The following DMD variants were observed in gnomAD, a reference collection of about 807,000 sequenced individuals.
DMD encodes dystrophin, also known as mutant dystrophin.
DMD carries 63 observed loss-of-function variants against 330.1 expected under a neutral mutation model. That is an observed-to-expected ratio of 0.19 (90% CI 0.16 to 0.24). DMD has a LOEUF of 0.24. Ranked by LOEUF, DMD falls within the 10% of genes least tolerant of loss-of-function variation. DMD has a pLI of 1.00. For missense variants in DMD, 3,344 were observed against 2,684.1 expected (o/e 1.25, Z -5.43); for synonymous variants, 1,223 against 959.8 (o/e 1.27, Z -5.07).
At position 32,501,838 on chromosome X, in the gene DMD, A is replaced by G. The variant is rs1443021146; in HGVS notation, c.2297T>C (p.Ile766Thr). 2.5e-6 allele frequency: 3 copies of G among 1,196,841 alleles called. No individual in the cohort carries two copies. The highest frequency in any genetic ancestry group is 2.2e-5 in the Admixed American group (1 of 45,470). The change falls in exon 19 of 79, where the codon ATA (isoleucine) becomes ACA (threonine). Residue 766 changes from isoleucine to threonine, a missense_variant. Coordinates refer to ENST00000357033, the MANE Select transcript of DMD (RefSeq NM_004006.3). Reference sequence around the variant, plus strand: ...GAACTTCTCAGCTTTTTCTCGCTCTATGGCCTGCAGCATGAGAGCAAAGAT... The same window carrying G: ...GAACTTCTCAGCTTTTTCTCGCTCTGTGGCCTGCAGCATGAGAGCAAAGAT... Reference protein sequence around the residue: ...FSDLKEKVNAIEREKAEKFRK... With the variant: ...FSDLKEKVNATEREKAEKFRK...
At chrX:33,056,335 G>A (rs1220137876) in intron 1 of DMD, among the ~76,000 whole-genome samples, 1 of 89,327 alleles carries the variant, frequency 1.1e-5, no homozygotes. Flanking sequence ...TGACCCCTGC[G>A]CTCTTTTTTT....
chrX:31,397,881 A>G (rs1329117294), intron 60 of DMD, among the ~76,000 whole-genome samples: 1 of 112,492 alleles, frequency 8.9e-6, no homozygotes, highest in Non-Finnish European at 1.9e-5. Context: ...GATTTGTTTT[A>G]TGAACAAAGA....
chrX:33,297,184 T>C (rs1178260306), intron 1 of DMD, among the ~76,000 whole-genome samples: 3 of 111,803 alleles, frequency 2.7e-5, no homozygotes, highest in Admixed American at 1.9e-4. Flanking sequence ...TGTACATAAT[T>C]ATCTTTTTTT....
At chrX:31,357,903 T>G (rs1248641181) in intron 60 of DMD, among the ~76,000 whole-genome samples, 1 of 112,340 alleles carries the variant, frequency 8.9e-6, no homozygotes, top group Non-Finnish European at 1.9e-5. Context: ...GTCTTCTCTC[T>G]TCTTCGCATA....
At chrX:32,557,311 TAC>T (rs1159230104) in intron 16 of DMD, among the ~76,000 whole-genome samples, 3 of 111,907 alleles carry the variant, frequency 2.7e-5, no homozygotes, top group African/African-American at 6.5e-5. Context: ...TTTGTATGCA[TAC>T]ACACACATAT....
intron 44 of DMD, among the ~76,000 whole-genome samples, chrX:32,012,741 AATCT>A (rs3038565): frequency 0.03 from 3,371 of 111,481 alleles, 53 homozygotes; most frequent in Non-Finnish European, 0.048. Context: ...ACAGAGTGAT[AATCT>A]ATTATCCAAA....
In DMD at chrX:32,697,907, G is replaced by C. The variant is rs145064612; in HGVS notation, c.923C>G (p.Thr308Ser). Residue 308 changes from threonine to serine, a missense_variant, in exon 9 of 79, where the codon ACC becomes AGC. Transcript: ENST00000357033. ...SYAYTQAAYV[T>S]TSDPTRSPFP... is the part of the protein sequence containing the mutation. ...TGGGCTCCGTGTAGGGTCAGAGGTG[G>C]TGACATAAGCAGCCTGTGTGTAGGC... The C allele has an allele frequency of 8.3e-7, 1 of 1,210,153 alleles. No individual in the cohort carries two copies. Among genetic ancestry groups the C allele is most frequent in the Non-Finnish European group, 1.1e-6 (1 of 894,804 alleles).
chrX:32,410,248 C>A (rs1384759831), intron 30 of DMD, among the ~76,000 whole-genome samples: 3 of 111,365 alleles, frequency 2.7e-5, no homozygotes, highest in Non-Finnish European at 5.7e-5. Flanking sequence ...CAGTGGAAAA[C>A]TATGATGAGG....
At chrX:31,308,672 A>G (rs981347615) in intron 62 of DMD, among the ~76,000 whole-genome samples, 1 of 111,134 alleles carries the variant, frequency 9.0e-6, no homozygotes, top group Non-Finnish European at 1.9e-5. Context: ...TCGGCTTCCC[A>G]AAGTGTTGGG....
chrX:32,626,098 T>C (rs1828842723), intron 11 of DMD, among the ~76,000 whole-genome samples: 1 of 112,544 alleles, frequency 8.9e-6, no homozygotes, highest in African/African-American at 3.2e-5. Context: ...TTAATGCATG[T>C]TTTTACTTTT....
At chrX:32,720,028 TTAAG>T (rs1453403449) in intron 7 of DMD, among the ~76,000 whole-genome samples, 2 of 110,637 alleles carry the variant, frequency 1.8e-5, no homozygotes, top group African/African-American at 3.3e-5. Flanking sequence ...ATTAAATATA[TTAAG>T]TAAATAAAAT....
chrX:31,339,893 G>A (rs1282489996), intron 61 of DMD, among the ~76,000 whole-genome samples: 2 of 112,309 alleles, frequency 1.8e-5, no homozygotes, highest in East Asian at 5.6e-4. Context: ...GCTTATTTAA[G>A]CCAATCTGAA....
At chrX:32,793,606 A>G (rs769327910) in intron 7 of DMD, among the ~76,000 whole-genome samples, 2 of 111,720 alleles carry the variant, frequency 1.8e-5, no homozygotes, top group Non-Finnish European at 3.8e-5. Flanking sequence ...CCATAGAAAT[A>G]AAAAGTTCAG....
intron 55 of DMD, among the ~76,000 whole-genome samples, chrX:31,564,818 A>G (rs1420463465): frequency 8.9e-6 from 1 of 111,998 alleles, no homozygotes; most frequent in African/African-American, 3.2e-5. Context: ...AACTTTTACA[A>G]TGTTAACATG....
At chrX:31,388,777 T>C (rs1007771232) in intron 60 of DMD, among the ~76,000 whole-genome samples, 3 of 111,088 alleles carry the variant, frequency 2.7e-5, no homozygotes, top group African/African-American at 9.8e-5. Flanking sequence ...TGGCAGGCAC[T>C]TGTAATCCCA....
chrX:31,786,774 T>C (rs1219724975), intron 50 of DMD, among the ~76,000 whole-genome samples: 1 of 111,871 alleles, frequency 8.9e-6, no homozygotes, highest in Non-Finnish European at 1.9e-5. Context: ...CCCATTTGCC[T>C]CAATTTGGTA....
At chrX:32,825,943 G>A (rs1286343799) in intron 4 of DMD, among the ~76,000 whole-genome samples, 1 of 98,657 alleles carries the variant, frequency 1.0e-5, no homozygotes, top group Non-Finnish European at 2.1e-5. Context: ...TAGCGGTGAT[G>A]ACTACCCAAC....
intron 64 of DMD, among the ~76,000 whole-genome samples, chrX:31,214,843 A>G (rs2045169361): frequency 9.2e-6 from 1 of 109,022 alleles, no homozygotes; most frequent in African/African-American, 3.3e-5. Flanking sequence ...GTAGCTGGGG[A>G]AGAGGTTTGG....
intron 9 of DMD, among the ~76,000 whole-genome samples, chrX:32,693,056 G>T (rs984421160): frequency 8.9e-6 from 1 of 111,970 alleles, no homozygotes; most frequent in Non-Finnish European, 1.9e-5. Context: ...GCTCTTAAAA[G>T]TAGATGTAGG....
Sources: allele counts gnomAD v4.1 joint callset (sites outside exome capture counted in the v4.1 genomes callset), GRCh38; gene constraint gnomAD v4.1.1; transcripts MANE v1.5; gene names NCBI Gene and HGNC (gene_info 2026-07-23, HGNC 2026-07-21).